The following STX11 variants were observed in gnomAD, a reference collection of about 807,000 sequenced individuals.
STX11 encodes the protein syntaxin 11.
In STX11, 21 loss-of-function variants were observed where a neutral mutation model predicts 19.9. The ratio of observed to expected loss-of-function variants is 1.06; its 90% confidence interval spans 0.75 to 1.52. STX11 has a LOEUF of 1.52. STX11 is among the 40% of genes most tolerant of loss of function. The probability of loss-of-function intolerance (pLI) is 0.00; values close to 1 mark genes in which losing one functional copy is unlikely to be tolerated. For missense variants in STX11, 438 were observed against 405.9 expected (o/e 1.08, Z -0.68); for synonymous variants, 193 against 174.4 (o/e 1.11, Z -0.84).
At chr6:144,166,844 C>G (rs997805824) in intron 1 of STX11, among the ~76,000 whole-genome samples, 2 of 147,278 alleles carry the variant, frequency 1.4e-5, no homozygotes, top group African/African-American at 5.0e-5. Flanking sequence ...CCCCTTTCCC[C>G]CTTCCCTTCC....
Position 144,180,301 on chromosome 6 carries a change from G to A in STX11, c.-5-6322G>A, listed in dbSNP as rs536032996. ...TAAATAATTCCCTTAGAGGCATGTT[G>A]GGAACAATGACTTTCACAATTGTTC... is the stretch of plus-strand genomic sequence containing the variant. On this transcript the variant is annotated intron_variant, in intron 1 of 1. Coordinates refer to ENST00000367568, the MANE Select transcript of STX11 (RefSeq NM_003764.4). This position sits in a 1 kb window ranked among gnomAD's most constrained non-coding sequence, Gnocchi z 5.3. Among the ~76,000 whole-genome samples the A allele has an allele frequency of 6.6e-6, 1 of 152,214 alleles. No homozygotes were observed. The highest frequency in any genetic ancestry group is 1.5e-5 in the Non-Finnish European group (1 of 68,010).
chr6:144,156,876 A>C (rs924871363), intron 1 of STX11, among the ~76,000 whole-genome samples: 1 of 152,184 alleles, frequency 6.6e-6, no homozygotes, highest in Non-Finnish European at 1.5e-5. Context: ...CATATATATT[A>C]TTTCTGTTAA....
rs145945304 is a variant in STX11, at chr6:144,181,592, C to CAAAA, written c.-5-5009_-5-5006dup. Among the ~76,000 whole-genome samples, 17 of 65,788 alleles carry CAAAA rather than the reference C, an allele frequency of 2.6e-4. 1 individual carries two copies. Among genetic ancestry groups the CAAAA allele is most frequent in the East Asian group, 4.2e-4 (1 of 2,406 alleles). The allele number at this position is 65,788 out of a possible 152,430, so 43.2% of individuals were successfully genotyped here. On this transcript the variant is annotated intron_variant, in intron 1 of 1. Transcript: ENST00000367568. Reference sequence around the variant, plus strand: ...CCTGGGCAACAGAGCAAGACCACCTCAAAAAAAAAAAAAAAAAAAAAAAAA... The same window carrying CAAAA: ...CCTGGGCAACAGAGCAAGACCACCTCAAAAAAAAAAAAAAAAAAAAAAAAAAAAA...
chr6:144,185,490 C>G (rs1420802514), intron 1 of STX11, among the ~76,000 whole-genome samples: 1 of 152,178 alleles, frequency 6.6e-6, no homozygotes, highest in African/African-American at 2.4e-5. Context: ...TTTTTCACTT[C>G]ACTGAAAAGC....
chr6:144,177,682 A>C lies in STX11; in HGVS notation c.-5-8941A>C, dbSNP rs1384806743. Among the ~76,000 whole-genome samples the C allele has an allele frequency of 6.6e-6, 1 of 152,162 alleles. No individual in the cohort carries two copies. The highest frequency in any genetic ancestry group is 1.5e-5 in the Non-Finnish European group (1 of 68,018). ...GGAGAATTGCTTGAACCCGGGAGGC[A>C]AAGGTTGCGGTGAGCCAAGATTGCA... On this transcript the variant is annotated intron_variant, in intron 1 of 1. Coordinates refer to ENST00000367568, the MANE Select transcript of STX11 (RefSeq NM_003764.4). This position sits in a 1 kb window ranked among gnomAD's most constrained non-coding sequence, Gnocchi z 4.4.
chr6:144,184,784 T>C lies in STX11; in HGVS notation c.-5-1839T>C, dbSNP rs1801986092. 6.6e-6 allele frequency among the ~76,000 whole-genome samples: 1 copy of C among 152,376 alleles called. No homozygotes were observed. Among genetic ancestry groups the C allele is most frequent in the East Asian group, 1.9e-4 (1 of 5,190 alleles). ...ATCAGGCATATATAACATACGTTTATGTTCTCTGTCATTTACATCTTCTCT... is the reference window on the plus strand; with the variant it reads ...ATCAGGCATATATAACATACGTTTACGTTCTCTGTCATTTACATCTTCTCT... On this transcript the variant is annotated intron_variant, in intron 1 of 1. Transcript: ENST00000367568. This position sits in a 1 kb window ranked among gnomAD's most constrained non-coding sequence, Gnocchi z 6.5.
chr6:144,171,215 G>A (rs182733575), intron 1 of STX11, among the ~76,000 whole-genome samples: 101 of 152,326 alleles, frequency 6.6e-4, no homozygotes, highest in African/African-American at 2.2e-3. Context: ...AGTAGATGTG[G>A]AGTTCTAAAC....
chr6:144,186,054 C>CTTT (rs59082171), intron 1 of STX11, among the ~76,000 whole-genome samples: 5 of 138,290 alleles, frequency 3.6e-5, no homozygotes, highest in African/African-American at 1.1e-4. Context: ...CTTCTTTTTT[C>CTTT]TTTTTTTTTT....
At position 144,175,545 on chromosome 6, in the gene STX11, G is replaced by T. The variant is rs978371365; in HGVS notation, c.-5-11078G>T. On this transcript the variant is annotated intron_variant, in intron 1 of 1. Coordinates refer to ENST00000367568, the MANE Select transcript of STX11 (RefSeq NM_003764.4). The surrounding 1 kb of genome is among the most constrained non-coding windows in gnomAD (Gnocchi z 5.1). Reference sequence around the variant, plus strand: ...TGGTCTTGAACTCCTGAACTTAGGTGATCCACACACTTCGGCCTCTCAAAG... The same window carrying T: ...TGGTCTTGAACTCCTGAACTTAGGTTATCCACACACTTCGGCCTCTCAAAG... 6.6e-6 allele frequency among the ~76,000 whole-genome samples: 1 copy of T among 152,220 alleles called. No individual in the cohort carries two copies. The highest frequency in any genetic ancestry group is 1.9e-4 in the East Asian group (1 of 5,182).
Position 144,169,271 on chromosome 6 carries a change from A to G in STX11, c.-5-17352A>G, listed in dbSNP as rs555418267. ...AGTGTCTTTCCGGGGCAATAACACC[A>G]AAACGGTGATGTTTTATCAGCATTG... is the stretch of plus-strand genomic sequence containing the variant. On this transcript the variant is annotated intron_variant, in intron 1 of 1. Transcript: ENST00000367568. This position sits in a 1 kb window ranked among gnomAD's most constrained non-coding sequence, Gnocchi z 5.2. Among the ~76,000 whole-genome samples, 71 of 152,356 alleles carry G rather than the reference A, an allele frequency of 4.7e-4. No homozygotes were observed. The highest frequency in any genetic ancestry group is 3.4e-3 in the Middle Eastern group (1 of 294).
intron 1 of STX11, among the ~76,000 whole-genome samples, chr6:144,178,148 A>G (rs1353137515): frequency 6.6e-6 from 1 of 152,222 alleles, no homozygotes; most frequent in Admixed American, 6.5e-5. Flanking sequence ...AAAAGAAGCT[A>G]GTGTAGCTTT....
At position 144,151,532 on chromosome 6, in the gene STX11, A is replaced by T. The variant is rs1801006724; in HGVS notation, c.-6+829A>T. 1.5e-6 allele frequency: 1 copy of T among 674,452 alleles called. No individual in the cohort carries two copies. The highest frequency in any genetic ancestry group is 2.0e-5 in the African/African-American group (1 of 51,098). The allele number at this position is 674,452 out of a possible 1,614,324, so 41.8% of individuals were successfully genotyped here. A position where few individuals can be genotyped will look rare whatever the true frequency, so the allele number is the denominator to read the frequency against. ...AATGCCTGCCCTGCCAACCTGGGGC[A>T]GTGGTATGGGAAGTGACGATTGAGT... is the stretch of plus-strand genomic sequence containing the variant. On this transcript the variant is annotated intron_variant, in intron 1 of 1. Coordinates refer to ENST00000367568, the MANE Select transcript of STX11 (RefSeq NM_003764.4). The surrounding 1 kb of genome is among the most constrained non-coding windows in gnomAD (Gnocchi z 4.6).
At position 144,174,882 on chromosome 6, in the gene STX11, C is replaced by T. The variant is rs1312406489; in HGVS notation, c.-5-11741C>T. On this transcript the variant is annotated intron_variant, in intron 1 of 1. Transcript: ENST00000367568. This position sits in a 1 kb window ranked among gnomAD's most constrained non-coding sequence, Gnocchi z 5.3. Reference sequence around the variant, plus strand: ...GCACAGTGGCACACATCTGTAATTACAGCACTTTGGGAGGTTGAGGCAGAG... The same window carrying T: ...GCACAGTGGCACACATCTGTAATTATAGCACTTTGGGAGGTTGAGGCAGAG... 2.6e-5 allele frequency among the ~76,000 whole-genome samples: 4 copies of T among 152,154 alleles called. No individual in the cohort carries two copies. Among genetic ancestry groups the T allele is most frequent in the African/African-American group, 9.7e-5 (4 of 41,438 alleles).
Position 144,151,295 on chromosome 6 carries a change from C to T in STX11, c.-6+592C>T. 1 of 985,408 alleles carries T rather than the reference C, an allele frequency of 1.0e-6. No individual in the cohort carries two copies. Among genetic ancestry groups the T allele is most frequent in the East Asian group, 1.1e-4 (1 of 8,812 alleles). The allele number at this position is 985,408 out of a possible 1,614,324, so 61.0% of individuals were successfully genotyped here. A position where few individuals can be genotyped will look rare whatever the true frequency, so the allele number is the denominator to read the frequency against. ...AGCCACGCCGTCCTGAGAGGGAATT[C>T]TGCCTTTTTCTAGACTCCGCTGACA... On this transcript the variant is annotated intron_variant, in intron 1 of 1. Transcript: ENST00000367568. The surrounding 1 kb of genome is among the most constrained non-coding windows in gnomAD (Gnocchi z 4.6).
At chr6:144,168,745 C>T (rs1801550174) in intron 1 of STX11, among the ~76,000 whole-genome samples, 1 of 152,218 alleles carries the variant, frequency 6.6e-6, no homozygotes, top group South Asian at 2.1e-4. Context: ...ATCCCTCATG[C>T]TAAACTCCTT....
intron 1 of STX11, among the ~76,000 whole-genome samples, chr6:144,161,129 C>T (rs1801325938): frequency 6.6e-6 from 1 of 152,106 alleles, no homozygotes; most frequent in African/African-American, 2.4e-5. Flanking sequence ...CAGTTGAATA[C>T]TTAATTAACT....
rs1194030635 is a variant in STX11 at position 144,154,876 on chromosome 6, T to A, written c.-6+4173T>A. Among the ~76,000 whole-genome samples the A allele has an allele frequency of 2.6e-5, 4 of 152,208 alleles. No homozygotes were observed. Among genetic ancestry groups the A allele is most frequent in the Non-Finnish European group, 1.5e-5 (1 of 68,044 alleles). ...CTTGCATTCAGAACTTGCTTTCCAT[T>A]TGGGGCACCTGGGTAGATTCTTTTG... On this transcript the variant is annotated intron_variant, in intron 1 of 1. Coordinates refer to ENST00000367568, the MANE Select transcript of STX11 (RefSeq NM_003764.4). The surrounding 1 kb of genome is among the most constrained non-coding windows in gnomAD (Gnocchi z 4.7).
intron 1 of STX11, among the ~76,000 whole-genome samples, chr6:144,168,472 GCAGT>G (rs1429028150): frequency 1.3e-5 from 2 of 152,158 alleles, no homozygotes; most frequent in African/African-American, 2.4e-5. Flanking sequence ...TTTTTCATCA[GCAGT>G]CAATGAATGA....
rs1282859204 is a variant in STX11, at chr6:144,187,367, T to C, written c.740T>C (p.Leu247Pro). The C allele has an allele frequency of 6.2e-7, 1 of 1,610,278 alleles. No homozygotes were observed. The highest frequency in any genetic ancestry group is 2.2e-5 in the East Asian group (1 of 44,860). Residue 247 changes from leucine to proline, a missense_variant, in exon 2 of 2, where the codon CTC becomes CCC. Leu to Pro is a moderately conservative substitution (Grantham distance 98, BLOSUM62 -3). Transcript: ENST00000367568. The surrounding 1 kb of genome is among the most constrained non-coding windows in gnomAD (Gnocchi z 5.6). Reference sequence around the variant, plus strand: ...GCCGACACCCTGAACGTCATCGAGCTCAACGTACAAAAGACGGTCGACTAC... The same window carrying C: ...GCCGACACCCTGAACGTCATCGAGCCCAACGTACAAAAGACGGTCGACTAC... ...KQADTLNVIE[L>P]NVQKTVDYTG... is the part of the protein sequence containing the mutation.
Sources: allele counts gnomAD v4.1 joint callset (sites outside exome capture counted in the v4.1 genomes callset), GRCh38; gene constraint gnomAD v4.1.1; non-coding constraint Gnocchi (gnomAD v3.1); transcripts MANE v1.5; gene names NCBI Gene and HGNC (gene_info 2026-07-23, HGNC 2026-07-21).